The following CNTN4 variants were observed in gnomAD, a reference collection of about 807,000 sequenced individuals.
CNTN4 encodes contactin 4.
CNTN4 carries 77 observed loss-of-function variants against 122.5 expected under a neutral mutation model. The ratio of observed to expected loss-of-function variants is 0.63; its 90% CI spans 0.52 to 0.76. The LOEUF (loss-of-function observed/expected upper bound fraction) is 0.76, where lower values mean the gene tolerates loss of function less well. Among genes scored for constraint, CNTN4 ranks in the 30% least tolerant of loss-of-function variants. The pLI, the probability that CNTN4 is intolerant of heterozygous loss-of-function variation, is 0.00. For synonymous variants in CNTN4, 512 were observed against 447.0 expected (o/e 1.15, Z -1.83); for missense variants, 1,256 against 1,259.1 (o/e 1.00, Z 0.04).
chr3:2,710,943 G>A (rs960618245), intron 4 of CNTN4, among the ~76,000 whole-genome samples: 3 of 152,178 alleles, frequency 2.0e-5, no homozygotes, highest in Non-Finnish European at 4.4e-5. Flanking sequence ...TCAAAGCAGA[G>A]AAGTCAGCTT....
At chr3:2,108,984 A>G (rs951513860) in intron 2 of CNTN4, among the ~76,000 whole-genome samples, 9 of 152,358 alleles carry the variant, frequency 5.9e-5, no homozygotes, top group East Asian at 3.9e-4. Context: ...AGCATAAACA[A>G]TGTTACTCAG....
At chr3:2,522,739 C>T (rs759033766) in intron 3 of CNTN4, among the ~76,000 whole-genome samples, 1 of 151,832 alleles carries the variant, frequency 6.6e-6, no homozygotes, top group Non-Finnish European at 1.5e-5. Context: ...CATATGATGT[C>T]AGTCTTGGTG....
At chr3:2,502,558 A>T (rs1356902143) in intron 3 of CNTN4, among the ~76,000 whole-genome samples, 1 of 151,788 alleles carries the variant, frequency 6.6e-6, no homozygotes, top group African/African-American at 2.4e-5. Flanking sequence ...GAACCTTACT[A>T]CTCTGGCTTA....
At chr3:2,388,460 G>T (rs1431203532) in intron 3 of CNTN4, among the ~76,000 whole-genome samples, 3 of 152,100 alleles carry the variant, frequency 2.0e-5, no homozygotes, top group Admixed American at 2.0e-4. Context: ...TTAATTACTC[G>T]AGGATAAGCT....
intron 4 of CNTN4, among the ~76,000 whole-genome samples, chr3:2,626,593 AAAT>A: frequency 6.6e-6 from 1 of 152,208 alleles, no homozygotes; most frequent in Non-Finnish European, 1.5e-5. Context: ...TTAAGAGGGA[AAAT>A]AATTACCCAA....
chr3:2,931,102 A>T (rs985885364), intron 13 of CNTN4, among the ~76,000 whole-genome samples: 2 of 152,204 alleles, frequency 1.3e-5, no homozygotes, highest in Admixed American at 1.3e-4. Flanking sequence ...TGCCTGCAAC[A>T]TGCAGAAGGA....
intron 4 of CNTN4, among the ~76,000 whole-genome samples, chr3:2,721,047 A>C (rs2087821582): frequency 6.6e-6 from 1 of 152,122 alleles, no homozygotes; most frequent in East Asian, 1.9e-4. Context: ...ATCTCGGCTC[A>C]CTGCAACCTC....
At chr3:2,906,064 G>A (rs764066315) in intron 12 of CNTN4, among the ~76,000 whole-genome samples, 28 of 152,158 alleles carry the variant, frequency 1.8e-4, no homozygotes, top group Non-Finnish European at 3.5e-4. Context: ...GGAGGACATC[G>A]TGCTGTGTGA....
At chr3:2,197,711 T>C (rs190184947) in intron 2 of CNTN4, among the ~76,000 whole-genome samples, 1 of 152,226 alleles carries the variant, frequency 6.6e-6, no homozygotes, top group Admixed American at 6.5e-5. Context: ...TATAGATACA[T>C]ACTTTTTAAA....
intron 21 of CNTN4, 27 bp downstream of exon 21, chr3:3,042,449 C>A: frequency 6.9e-7 from 1 of 1,440,646 alleles, no homozygotes; most frequent in South Asian, 1.1e-5. Context: ...TGCCTTGGGT[C>A]TGAAAGAGAG....
At chr3:2,270,340 G>T (rs1027975046) in intron 2 of CNTN4, among the ~76,000 whole-genome samples, 3 of 152,086 alleles carry the variant, frequency 2.0e-5, no homozygotes, top group South Asian at 2.1e-4. Context: ...GGGGTTTGGT[G>T]TACAGATTAT....
chr3:2,659,798 TGTG>T (rs1243706420), intron 4 of CNTN4, among the ~76,000 whole-genome samples: 1 of 152,214 alleles, frequency 6.6e-6, no homozygotes, highest in Non-Finnish European at 1.5e-5. Context: ...TTTCTTTTGA[TGTG>T]GTGATGTTTG....
chr3:2,552,705 A>C (rs1212626665), intron 3 of CNTN4, among the ~76,000 whole-genome samples: 1 of 152,156 alleles, frequency 6.6e-6, no homozygotes, highest in Non-Finnish European at 1.5e-5. Flanking sequence ...TTTATTTTAA[A>C]AGGCAGGTAT....
chr3:2,703,940 A>G (rs1432586823), intron 4 of CNTN4, among the ~76,000 whole-genome samples: 1 of 152,160 alleles, frequency 6.6e-6, no homozygotes, highest in Non-Finnish European at 1.5e-5. Context: ...AAATCTCCAT[A>G]TAATTATTAG....
At chr3:3,003,833 T>C (rs1019430772) in intron 14 of CNTN4, among the ~76,000 whole-genome samples, 1 of 152,116 alleles carries the variant, frequency 6.6e-6, no homozygotes, top group Non-Finnish European at 1.5e-5. Context: ...CACTGCAGCC[T>C]TGACCTCCTG....
intron 7 of CNTN4, among the ~76,000 whole-genome samples, chr3:2,824,694 C>G (rs948391619): frequency 2.0e-5 from 3 of 152,116 alleles, no homozygotes; most frequent in Non-Finnish European, 4.4e-5. Flanking sequence ...TGGAGTCTCA[C>G]TCTGTCAACC....
chr3:2,680,505 T>C (rs2085107239), intron 4 of CNTN4, among the ~76,000 whole-genome samples: 1 of 152,188 alleles, frequency 6.6e-6, no homozygotes, highest in African/African-American at 2.4e-5. Context: ...CAAAACACGT[T>C]AGAAGACTCA....
intron 2 of CNTN4, among the ~76,000 whole-genome samples, chr3:2,230,375 G>A (rs532510960): frequency 6.6e-6 from 1 of 152,304 alleles, no homozygotes; most frequent in Admixed American, 6.5e-5. Flanking sequence ...GAAACTTGCA[G>A]ATAAGAAGAG....
chr3:3,006,118 C>G (rs141589951), intron 14 of CNTN4, among the ~76,000 whole-genome samples: 1 of 151,986 alleles, frequency 6.6e-6, no homozygotes, highest in Non-Finnish European at 1.5e-5. Flanking sequence ...CCTTGTGATC[C>G]GCCCGCCTCG....
Sources: gnomAD v4.1 joint callset for allele counts (sites outside exome capture counted in the v4.1 genomes callset) on GRCh38, gnomAD v4.1.1 for gene constraint, MANE v1.5 for transcripts, NCBI Gene and HGNC (gene_info 2026-07-23, HGNC 2026-07-21) for gene names.